The following ST3GAL1 variants were observed in gnomAD, a reference collection of about 807,000 sequenced individuals.
ST3GAL1 encodes CMP-N-acetylneuraminate-beta-galactosamide-alpha-2,3-sialyltransferase 1.
ST3GAL1 carries 16 observed loss-of-function variants against 34.1 expected under a neutral mutation model. The observed-to-expected ratio is 0.47, with a 90% CI of 0.32 to 0.71. ST3GAL1 has a LOEUF of 0.71. Among genes scored for constraint, ST3GAL1 ranks in the 30% least tolerant of loss-of-function variants. The probability of loss-of-function intolerance (pLI) is 0.04; values close to 1 mark genes in which losing one functional copy is unlikely to be tolerated. For synonymous variants in ST3GAL1, 191 were observed against 184.7 expected, an observed-to-expected ratio of 1.03 and a Z score of -0.28; for missense variants, 353 against 447.4, an observed-to-expected ratio of 0.79 and a Z score of 1.90.
rs1366638379 is a variant in ST3GAL1, at chr8:133,508,069, C to T, written c.-428-8880G>A. Among the ~76,000 whole-genome samples, 3 of 152,142 alleles carry T rather than the reference C, an allele frequency of 2.0e-5. No individual in the cohort carries two copies. Among genetic ancestry groups the T allele is most frequent in the Admixed American group, 1.3e-4 (2 of 15,278 alleles). On this transcript the variant is annotated intron_variant, in intron 2 of 9. Transcript: ENST00000522652. This position sits in a 1 kb window ranked among gnomAD's most constrained non-coding sequence, Gnocchi z 4.1. ...AATGACAGAGGGACATGGGGTTACA[C>T]AGGGTTGGCCTCCTTTACCTTTTCC...
chr8:133,470,563 A>G lies in ST3GAL1; in HGVS notation c.307-4473T>C, dbSNP rs565103234. ...TCAATCTGCATACAATCAGCGCTCA[A>G]TCAATGCCTGCCGCCTGGTGGCCTG... On this transcript the variant is annotated intron_variant, in intron 5 of 9. Transcript: ENST00000522652. 2.6e-5 allele frequency among the ~76,000 whole-genome samples: 4 copies of G among 152,322 alleles called. No homozygotes were observed. The East Asian group carries it at 7.7e-4, about 29-fold the overall frequency.
intron 2 of ST3GAL1, among the ~76,000 whole-genome samples, chr8:133,500,547 G>A (rs1005430623): frequency 6.6e-5 from 10 of 152,208 alleles, no homozygotes; most frequent in Non-Finnish European, 1.5e-5. Context: ...GCAGTGATGA[G>A]GGTGGGGGGC....
At chr8:133,528,081 A>C (rs1818031339) in intron 2 of ST3GAL1, among the ~76,000 whole-genome samples, 1 of 152,062 alleles carries the variant, frequency 6.6e-6, no homozygotes, top group African/African-American at 2.4e-5. Context: ...AGGCTGAAGC[A>C]GAAGAATTGC....
chr8:133,489,245 T>C (rs1334828629), intron 3 of ST3GAL1, among the ~76,000 whole-genome samples: 4 of 152,094 alleles, frequency 2.6e-5, no homozygotes, highest in African/African-American at 9.7e-5. Flanking sequence ...GAATGCACCA[T>C]TTGTGTCCTG....
Position 133,556,258 on chromosome 8 carries a change from A to G in ST3GAL1, c.-581-10332T>C, listed in dbSNP as rs898380914. ...GATGAGTTGGTGTCACCCCCAGAGC[A>G]CAAGGGGTAACACTAAGCTCGGACG... On this transcript the variant is annotated intron_variant, in intron 1 of 9. Coordinates refer to ENST00000522652, the MANE Select transcript of ST3GAL1 (RefSeq NM_173344.3). This position sits in a 1 kb window ranked among gnomAD's most constrained non-coding sequence, Gnocchi z 8.9. Among the ~76,000 whole-genome samples, 13 of 152,166 alleles carry G rather than the reference A, an allele frequency of 8.5e-5. No homozygotes were observed. The highest frequency in any genetic ancestry group is 1.6e-4 in the Non-Finnish European group (11 of 68,032).
chr8:133,555,559 AAAAG>A (rs1276476316), intron 1 of ST3GAL1, among the ~76,000 whole-genome samples: 4 of 152,338 alleles, frequency 2.6e-5, no homozygotes, highest in African/African-American at 9.6e-5. Context: ...TTCCTAAAAA[AAAAG>A]AAAGGAGGGG....
chr8:133,469,281 C>T lies in ST3GAL1; in HGVS notation c.307-3191G>A, dbSNP rs972834961. Among the ~76,000 whole-genome samples the T allele has an allele frequency of 6.6e-5, 10 of 152,206 alleles. No homozygotes were observed. Among genetic ancestry groups the T allele is most frequent in the Admixed American group, 1.3e-4 (2 of 15,290 alleles). ...TCGCCCAGGCTGGAATGCAGTGGTG[C>T]GATCTCGGCTCACTGCAACCTCTAC... On this transcript the variant is annotated intron_variant, in intron 5 of 9. Transcript: ENST00000522652. The surrounding 1 kb of genome is among the most constrained non-coding windows in gnomAD (Gnocchi z 4.3).
chr8:133,468,989 C>T (rs150501111), intron 5 of ST3GAL1, among the ~76,000 whole-genome samples: 48 of 152,230 alleles, frequency 3.2e-4, no homozygotes, highest in African/African-American at 1.1e-3. Flanking sequence ...TCCATCACGC[C>T]GCTACTTTGA....
At chr8:133,504,713 G>A (rs973250296) in intron 2 of ST3GAL1, among the ~76,000 whole-genome samples, 9 of 152,126 alleles carry the variant, frequency 5.9e-5, no homozygotes, top group African/African-American at 2.2e-4. Flanking sequence ...AAGAGACAGG[G>A]GAATTCAGCA....
In ST3GAL1 at chr8:133,496,014, G is replaced by A. The variant is rs140985234; in HGVS notation, c.-374+3121C>T. ...ATAAGCACTTGTTTAATTGACAGAC[G>A]GACAGATGGATAACCCAGTAGTGCT... On this transcript the variant is annotated intron_variant, in intron 3 of 9. Coordinates refer to ENST00000522652, the MANE Select transcript of ST3GAL1 (RefSeq NM_173344.3). Among the ~76,000 whole-genome samples the A allele has an allele frequency of 3.9e-3, 595 of 152,224 alleles. 5 individuals carry two copies. The highest frequency in any genetic ancestry group is 4.5e-3 in the Non-Finnish European group (308 of 68,012).
chr8:133,565,369 C>A (rs753899209), intron 1 of ST3GAL1, among the ~76,000 whole-genome samples: 9 of 152,108 alleles, frequency 5.9e-5, no homozygotes, highest in Non-Finnish European at 1.3e-4. Flanking sequence ...TCCTCTCCTG[C>A]CAAGTTGAGG....
intron 5 of ST3GAL1, among the ~76,000 whole-genome samples, chr8:133,470,403 G>A (rs1815904786): frequency 6.6e-6 from 1 of 150,414 alleles, no homozygotes; most frequent in Non-Finnish European, 1.5e-5. Flanking sequence ...TGGGCAACAA[G>A]AGAGAAACTC....
intron 1 of ST3GAL1, among the ~76,000 whole-genome samples, chr8:133,569,157 A>G (rs903360812): frequency 2.6e-5 from 4 of 152,202 alleles, no homozygotes; most frequent in Non-Finnish European, 4.4e-5. Context: ...GAGGTAGGCA[A>G]CAAAGGCCCT....
At chr8:133,475,457 T>C (rs955023732) in intron 5 of ST3GAL1, among the ~76,000 whole-genome samples, 1 of 152,332 alleles carries the variant, frequency 6.6e-6, no homozygotes, top group Admixed American at 6.5e-5. Flanking sequence ...CTGACTTAGA[T>C]ATAATAGATC....
chr8:133,471,500 T>C (rs1815960404), intron 5 of ST3GAL1, among the ~76,000 whole-genome samples: 1 of 152,244 alleles, frequency 6.6e-6, no homozygotes, highest in East Asian at 1.9e-4. Context: ...GTTTCTATAA[T>C]GGTTCTATGA....
chr8:133,514,751 G>A (rs72720249), intron 2 of ST3GAL1, among the ~76,000 whole-genome samples: 27,813 of 152,078 alleles, frequency 0.18, 2,601 homozygotes, highest in Middle Eastern at 0.25. Flanking sequence ...ACTAGGTGGG[G>A]AGGGTCAGGG....
intron 8 of ST3GAL1, 72 bp downstream of exon 8, chr8:133,463,342 G>T: frequency 6.4e-7 from 1 of 1,568,674 alleles, no homozygotes; most frequent in Non-Finnish European, 8.8e-7. Flanking sequence ...GCAACTCAAT[G>T]CCGTACCTTA....
chr8:133,566,473 G>A (rs1371458239), intron 1 of ST3GAL1, among the ~76,000 whole-genome samples: 2 of 152,066 alleles, frequency 1.3e-5, no homozygotes, highest in South Asian at 2.1e-4. Flanking sequence ...TGGGACTCCC[G>A]CATGCACAAC....
chr8:133,559,479 A>AT (rs1819154880), intron 1 of ST3GAL1, among the ~76,000 whole-genome samples: 2 of 152,186 alleles, frequency 1.3e-5, no homozygotes, highest in South Asian at 4.1e-4. Context: ...TTTCATTTTA[A>AT]TTTCCTTTTT....
Sources: gnomAD v4.1 joint callset for allele counts (sites outside exome capture counted in the v4.1 genomes callset) on GRCh38, gnomAD v4.1.1 for gene constraint, Gnocchi (gnomAD v3.1) non-coding constraint, MANE v1.5 for transcripts, NCBI Gene and HGNC (gene_info 2026-07-23, HGNC 2026-07-21) for gene names.